The following KLHDC4 variants were observed in gnomAD, a reference collection of about 807,000 sequenced individuals.
KLHDC4 encodes the protein kelch domain-containing protein 4.
Under a neutral mutation model 62.4 loss-of-function variants are expected in KLHDC4, and 90 were observed. That is an observed-to-expected ratio of 1.44 (90% CI 1.22 to 1.72). The LOEUF is 1.72. KLHDC4 is among the 40% of genes most tolerant of loss of function. The pLI is 0.00. For synonymous variants in KLHDC4, 386 were observed against 284.4 expected (o/e 1.36, Z -3.59); for missense variants, 1,025 against 699.7 (o/e 1.47, Z -5.25).
intron 4 of KLHDC4, chr16:87,750,326 G>C (rs974175791): frequency 3.9e-5 from 6 of 152,392 alleles, no homozygotes; most frequent in African/African-American, 7.2e-5. Context: ...GGGCCCCTCA[G>C]TGCTGCATCT....
At chr16:87,715,416 G>C (rs113293577) in intron 7 of KLHDC4, among the ~76,000 whole-genome samples, 81 of 152,190 alleles carry the variant, frequency 5.3e-4, no homozygotes, top group African/African-American at 1.8e-3. Context: ...GCACTGACCC[G>C]TTACCGGGAG....
intron 5 of KLHDC4, among the ~76,000 whole-genome samples, chr16:87,745,991 C>T (rs1057505158): frequency 2.0e-5 from 3 of 152,132 alleles, no homozygotes; most frequent in African/African-American, 7.2e-5. Flanking sequence ...CAGCCTGGCA[C>T]AGTGGCTCAC....
chr16:87,754,689 T>C (rs985457907), intron 4 of KLHDC4, among the ~76,000 whole-genome samples: 1 of 152,170 alleles, frequency 6.6e-6, no homozygotes, highest in African/African-American at 2.4e-5. Flanking sequence ...TTACAGAACG[T>C]CTAACTCCGG....
At chr16:87,755,523 T>C (rs917808104) in intron 3 of KLHDC4, 2 of 399,282 alleles carry the variant, frequency 5.0e-6, no homozygotes, top group African/African-American at 4.1e-5. Flanking sequence ...CTGAAAGCCC[T>C]CGTTGTTATT....
chr16:87,715,879 G>C (rs1315305141), intron 7 of KLHDC4, among the ~76,000 whole-genome samples: 5 of 152,154 alleles, frequency 3.3e-5, no homozygotes, highest in African/African-American at 1.2e-4. Flanking sequence ...CAGACTTCAG[G>C]CATGCTCTGT....
rs372830849 is a variant in KLHDC4, at chr16:87,761,999, A to C, written c.141T>G (p.Asp47Glu). 7.4e-6 allele frequency: 12 copies of C among 1,614,044 alleles called. No individual in the cohort carries two copies. In the South Asian group the frequency reaches 9.9e-5, roughly 13 times the overall value. ...GTTCCACAGTCTGAGTCCTCTTGGC[A>C]TCGAGTGTCTGGAAATGGGCTATGA... The part of the protein sequence containing the change: ...EALIAHFQTL[D>E]AKRTQTVELP... Residue 47 changes from aspartate (D) to glutamate (E), a missense_variant, in exon 2 of 12, where the codon GAT becomes GAG. Asp to Glu is a conservative substitution (Grantham distance 45). Transcript: ENST00000270583.
exon 1 of KLHDC4, chr16:87,701,397 G>A: frequency 3.0e-6 from 1 of 333,930 alleles, no homozygotes; most frequent in Non-Finnish European, 6.0e-6. Context: ...CACCCATTAG[G>A]AACAAATGCT....
In KLHDC4 at chr16:87,709,259, G is replaced by A; in HGVS notation, c.1447+6C>T. On this transcript the variant is annotated splice_donor_region_variant and intron_variant, in intron 10 of 11. Transcript: ENST00000270583. Reference sequence around the variant, plus strand: ...GGGCACGGAGGCACCAAGCTGCCTGGCTCACCTGGGTCCATCTCCACCAAG... The same window carrying A: ...GGGCACGGAGGCACCAAGCTGCCTGACTCACCTGGGTCCATCTCCACCAAG... 1 of 1,602,288 alleles carries A rather than the reference G, an allele frequency of 6.2e-7. No individual in the cohort carries two copies. The highest frequency in any genetic ancestry group is 8.5e-7 in the Non-Finnish European group (1 of 1,173,458).
intron 2 of KLHDC4, among the ~76,000 whole-genome samples, chr16:87,757,978 G>C (rs888363183): frequency 6.6e-6 from 1 of 152,184 alleles, no homozygotes; most frequent in African/African-American, 2.4e-5. Flanking sequence ...GAATCACTGG[G>C]AAAGATCCTC....
chr16:87,728,607 C>T (rs1054621874), intron 6 of KLHDC4, among the ~76,000 whole-genome samples: 1 of 152,186 alleles, frequency 6.6e-6, no homozygotes, highest in African/African-American at 2.4e-5. Flanking sequence ...CACTGTCCTA[C>T]ACATAGTAGG....
chr16:87,752,084 T>C (rs1230870627), intron 4 of KLHDC4, among the ~76,000 whole-genome samples: 7 of 32,476 alleles, frequency 2.2e-4, no homozygotes, highest in Admixed American at 4.6e-4. Flanking sequence ...AGTGAGACTT[T>C]GTCTCAAAAA....
At position 87,721,708 on chromosome 16, in the gene KLHDC4, A is replaced by C. The variant is rs2038385081; in HGVS notation, c.759+5057T>G. Reference sequence around the variant, plus strand: ...GCTCAGCTCCCAAGTGGCAAATGAAAGGACGCTCTGGCCTCTGCCAGCATG... The same window carrying C: ...GCTCAGCTCCCAAGTGGCAAATGAACGGACGCTCTGGCCTCTGCCAGCATG... On this transcript the variant is annotated intron_variant, in intron 7 of 11. Transcript: ENST00000270583. 2.0e-5 allele frequency among the ~76,000 whole-genome samples: 3 copies of C among 152,226 alleles called. No homozygotes were observed. The South Asian group carries it at 6.2e-4, about 31-fold the overall frequency.
chr16:87,749,541 G>A (rs772998975), intron 4 of KLHDC4, among the ~76,000 whole-genome samples: 125 of 138,782 alleles, frequency 9.0e-4, no homozygotes, highest in Middle Eastern at 4.4e-3. Context: ...ACGACAGAGC[G>A]AGACTCCATG....
chr16:87,711,310 G>A lies in KLHDC4; in HGVS notation c.969C>T (p.Ser323=), dbSNP rs754523146. The change falls in exon 9 of 12, where the codon AGC becomes AGT. Residue 323 remains serine (S), a synonymous_variant. Coordinates refer to ENST00000270583, the MANE Select transcript of KLHDC4 (RefSeq NM_017566.4). Reference sequence around the variant, plus strand: ...GATCGTTGAAGAACTCGCCCGACAGGCTCTCCTCCTCTTCCTCGTCACAGA... The same window carrying A: ...GATCGTTGAAGAACTCGCCCGACAGACTCTCCTCCTCTTCCTCGTCACAGA... ...GGVCDEEEEE[S]LSGEFFNDLY... is the part of the protein sequence containing the mutation. 1.9e-6 allele frequency: 3 copies of A among 1,614,088 alleles called. No individual in the cohort carries two copies. The highest frequency in any genetic ancestry group is 3.3e-5 in the Admixed American group (2 of 60,032).
intron 7 of KLHDC4, among the ~76,000 whole-genome samples, chr16:87,721,875 G>C (rs943895387): frequency 6.6e-6 from 1 of 152,030 alleles, no homozygotes; most frequent in Non-Finnish European, 1.5e-5. Flanking sequence ...GTCCTCAGCA[G>C]GACTCCGCCC....
chr16:87,763,796 G>T (rs189146011), intron 1 of KLHDC4, among the ~76,000 whole-genome samples: 1 of 152,308 alleles, frequency 6.6e-6, no homozygotes, highest in Non-Finnish European at 1.5e-5. Context: ...GTGACTGAAG[G>T]AGAGCAAGGT....
chr16:87,725,873 C>T (rs1031248960), intron 7 of KLHDC4, among the ~76,000 whole-genome samples: 1 of 152,146 alleles, frequency 6.6e-6, no homozygotes, highest in Non-Finnish European at 1.5e-5. Context: ...AAGAAACAAG[C>T]CCGTTAACAG....
chr16:87,742,113 G>T (rs193179369), intron 5 of KLHDC4, among the ~76,000 whole-genome samples: 2,933 of 152,158 alleles, frequency 0.019, 96 homozygotes, highest in African/African-American at 0.067. Context: ...AATGACAGAG[G>T]AAAAACAGCC....
At chr16:87,751,504 T>C (rs1004052878) in intron 4 of KLHDC4, among the ~76,000 whole-genome samples, 1 of 151,810 alleles carries the variant, frequency 6.6e-6, no homozygotes, top group African/African-American at 2.4e-5. Flanking sequence ...ATGAACTTTA[T>C]GTGCAGAGAA....
Sources: allele counts gnomAD v4.1 joint callset (sites outside exome capture counted in the v4.1 genomes callset), GRCh38; gene constraint gnomAD v4.1.1; transcripts MANE v1.5; gene names NCBI Gene and HGNC (gene_info 2026-07-23, HGNC 2026-07-21).